Variants in SHISAL1 observed in about 807,000 individuals in gnomAD.
SHISAL1 encodes the protein shisa like 1.
Under a neutral mutation model 22.6 loss-of-function variants are expected in SHISAL1, and 9 were observed. The ratio of observed to expected loss-of-function variants is 0.40; its 90% CI spans 0.24 to 0.70. The LOEUF is 0.70. Among genes scored for constraint, SHISAL1 ranks in the 30% least tolerant of loss-of-function variants. SHISAL1 has a pLI of 0.39. For synonymous variants in SHISAL1, 119 were observed against 115.4 expected, an observed-to-expected ratio of 1.03 and a Z score of -0.20; for missense variants, 246 against 270.6, an observed-to-expected ratio of 0.91 and a Z score of 0.64.
At chr22:44,318,834 C>A in the SHISAL1 span, among the ~76,000 whole-genome samples, 7 of 152,216 alleles carry the variant, frequency 4.6e-5, no homozygotes, top group African/African-American at 1.7e-4. Flanking sequence ...GGACACAGAG[C>A]CCCAGAGAGG....
At chr22:44,321,242 C>T in the SHISAL1 span, among the ~76,000 whole-genome samples, 1 of 152,196 alleles carries the variant, frequency 6.6e-6, no homozygotes, top group African/African-American at 2.4e-5. Context: ...GACGAGAGTC[C>T]TCCAGCCTTG....
chr22:44,292,842 G>A (rs1358132703), intron 3 of SHISAL1, among the ~76,000 whole-genome samples: 2 of 152,338 alleles, frequency 1.3e-5, no homozygotes, highest in African/African-American at 2.4e-5. Flanking sequence ...CCGAATTCTT[G>A]ATCTCCCCTC....
chr22:44,255,911 A>G (rs2055081086), intron 4 of SHISAL1, among the ~76,000 whole-genome samples: 1 of 152,186 alleles, frequency 6.6e-6, no homozygotes, highest in Non-Finnish European at 1.5e-5. Flanking sequence ...TGGGTGTGTC[A>G]TGAAGGTGTT....
At chr22:44,283,800 T>C (rs964038241) in intron 4 of SHISAL1, among the ~76,000 whole-genome samples, 3 of 152,206 alleles carry the variant, frequency 2.0e-5, no homozygotes, top group African/African-American at 7.2e-5. Flanking sequence ...CTGTAGTGCC[T>C]ATGAGCATCA....
At chr22:44,328,434 C>T in the SHISAL1 span, among the ~76,000 whole-genome samples, 385 of 152,226 alleles carry the variant, frequency 2.5e-3, no homozygotes, top group African/African-American at 8.2e-3. Context: ...GGCAGGCCTT[C>T]GGGCTGTCAC....
At chr22:44,273,352 T>C (rs757445307) in intron 4 of SHISAL1, among the ~76,000 whole-genome samples, 3 of 152,186 alleles carry the variant, frequency 2.0e-5, no homozygotes, top group Non-Finnish European at 4.4e-5. Flanking sequence ...TAGCCACCAC[T>C]GATAGATTTC....
At chr22:44,301,086 T>C in intron 1 of SHISAL1, 109 bp from the exon 2 acceptor site, 1 of 681,094 alleles carries the variant, frequency 1.5e-6, no homozygotes, top group Admixed American at 2.5e-5. Context: ...GAGAGCGAGT[T>C]TGTCGGGAGC....
chr22:44,266,524 G>C (rs1601781898), intron 4 of SHISAL1, among the ~76,000 whole-genome samples: 3 of 83,302 alleles, frequency 3.6e-5, no homozygotes, highest in East Asian at 1.0e-3. Flanking sequence ...GGGGGCTTTG[G>C]GGTATGTGTG....
At chr22:44,250,950 C>CT (rs2055043324) in intron 4 of SHISAL1, among the ~76,000 whole-genome samples, 1 of 152,232 alleles carries the variant, frequency 6.6e-6, no homozygotes, top group Non-Finnish European at 1.5e-5. Context: ...GCAGAACCTA[C>CT]TCTCCACCCT....
chr22:44,315,808 G>A (rs1015391300), upstream of SHISAL1, among the ~76,000 whole-genome samples: 2 of 152,082 alleles, frequency 1.3e-5, no homozygotes, highest in East Asian at 1.9e-4. Flanking sequence ...TGAAGAACAC[G>A]CAGGGCCCTG....
chr22:44,275,185 G>A (rs1397142125), intron 4 of SHISAL1, among the ~76,000 whole-genome samples: 1 of 152,188 alleles, frequency 6.6e-6, no homozygotes, highest in Non-Finnish European at 1.5e-5. Flanking sequence ...AGAGGGAGGT[G>A]GGGAGCTGCC....
chr22:44,254,455 G>A (rs961166585), intron 4 of SHISAL1, among the ~76,000 whole-genome samples: 1 of 151,940 alleles, frequency 6.6e-6, no homozygotes, highest in Non-Finnish European at 1.5e-5. Context: ...CAAACTCCTG[G>A]GCTAAAGTGA....
At chr22:44,300,848 C>T in intron 2 of SHISAL1, 31 bp downstream of exon 2, 1 of 1,599,658 alleles carries the variant, frequency 6.3e-7, no homozygotes, top group Non-Finnish European at 8.6e-7. Context: ...CCACGTGCCG[C>T]CCCCGCCCCC....
intron 4 of SHISAL1, among the ~76,000 whole-genome samples, chr22:44,263,791 G>A (rs2055143123): frequency 6.6e-6 from 1 of 152,198 alleles, no homozygotes; most frequent in East Asian, 1.9e-4. Flanking sequence ...CCTCCAGCAG[G>A]GCCCCGTGCT....
intron 3 of SHISAL1, among the ~76,000 whole-genome samples, chr22:44,286,717 C>T (rs1289790470): frequency 6.6e-6 from 1 of 152,206 alleles, no homozygotes; most frequent in East Asian, 1.9e-4. Flanking sequence ...CCACATCTGT[C>T]TCCCACACCC....
rs150267255 is a variant in SHISAL1, at chr22:44,252,777, G to A, written c.*-3092C>T. Among the ~76,000 whole-genome samples the A allele has an allele frequency of 9.9e-5, 15 of 151,916 alleles. 2 individuals carry two copies. Among genetic ancestry groups the A allele is most frequent in the South Asian group, 2.1e-4 (1 of 4,806 alleles). Reference sequence around the variant, plus strand: ...TGGGAGGCTGAGGCAGGTAGATCACGAGGTCAGGAGTTCAAGACCAGCCTG... The same window carrying A: ...TGGGAGGCTGAGGCAGGTAGATCACAAGGTCAGGAGTTCAAGACCAGCCTG... On this transcript the variant is annotated intron_variant, in intron 4 of 4. Transcript: ENST00000381176.
At chr22:44,324,735 G>A in the SHISAL1 span, among the ~76,000 whole-genome samples, 4 of 152,198 alleles carry the variant, frequency 2.6e-5, no homozygotes, top group Admixed American at 2.6e-4. Context: ...ATTCCAGGCT[G>A]CTCTTGGGGA....
intron 3 of SHISAL1, among the ~76,000 whole-genome samples, chr22:44,296,408 C>A (rs1186829623): frequency 1.4e-5 from 2 of 138,596 alleles, no homozygotes; most frequent in Non-Finnish European, 3.3e-5. Flanking sequence ...GATCCACCCA[C>A]CTCATTCTCC....
At chr22:44,300,604 G>A (rs2055421264) in intron 2 of SHISAL1, among the ~76,000 whole-genome samples, 1 of 152,110 alleles carries the variant, frequency 6.6e-6, no homozygotes, top group South Asian at 2.1e-4. Context: ...TGTGAGTCAG[G>A]GCTTCTCCCG....
Sources: gnomAD v4.1 joint callset for allele counts (sites outside exome capture counted in the v4.1 genomes callset) on GRCh38, gnomAD v4.1.1 for gene constraint, MANE v1.5 for transcripts, NCBI Gene and HGNC (gene_info 2026-07-23, HGNC 2026-07-21) for gene names.